The following JARID2 variants were observed in gnomAD, a reference collection of about 807,000 sequenced individuals.
JARID2 encodes the protein jumonji and AT-rich interaction domain containing 2, also known as protein Jumonji.
A neutral mutation model predicts 125.6 loss-of-function variants in JARID2; 21 were observed. That is an observed-to-expected ratio of 0.17 (90% CI 0.12 to 0.24). The LOEUF (loss-of-function observed/expected upper bound fraction) is 0.24. JARID2 is among the 10% of genes least tolerant of loss of function. The pLI, the probability that JARID2 is intolerant of heterozygous loss-of-function variation, is 1.00. For missense variants in JARID2, 1,303 were observed against 1,639.6 expected, an observed-to-expected ratio of 0.79 and a Z score of 3.55; for synonymous variants, 736 against 661.6, an observed-to-expected ratio of 1.11 and a Z score of -1.73.
At chr6:15,402,240 G>T (rs1194399732) in intron 2 of JARID2, among the ~76,000 whole-genome samples, 1 of 152,120 alleles carries the variant, frequency 6.6e-6, no homozygotes, top group Non-Finnish European at 1.5e-5. Flanking sequence ...TAACTTTATG[G>T]CACTTGTCGA....
At chr6:15,473,525 C>A (rs1342287593) in intron 5 of JARID2, among the ~76,000 whole-genome samples, 4 of 66,422 alleles carry the variant, frequency 6.0e-5, no homozygotes, top group Non-Finnish European at 1.9e-4. Flanking sequence ...CCCCCCCCCC[C>A]CCCCCGCTTT....
chr6:15,371,821 T>A (rs1034753766), intron 1 of JARID2, among the ~76,000 whole-genome samples: 3 of 152,248 alleles, frequency 2.0e-5, no homozygotes, highest in African/African-American at 7.2e-5. Flanking sequence ...CCTGACCCCG[T>A]ACCGTGGTCT....
intron 3 of JARID2, among the ~76,000 whole-genome samples, chr6:15,415,316 A>AATG (rs1193098884): frequency 6.6e-6 from 1 of 152,064 alleles, no homozygotes; most frequent in East Asian, 1.9e-4. Flanking sequence ...GCCCGTTCCC[A>AATG]ATGAGCTGCC....
chr6:15,428,924 A>AC, intron 3 of JARID2, among the ~76,000 whole-genome samples: 1 of 138,564 alleles, frequency 7.2e-6, no homozygotes, highest in Non-Finnish European at 1.6e-5. Flanking sequence ...AACAAAAAAA[A>AC]AACAAACCCC....
chr6:15,456,159 C>T (rs114867192), intron 4 of JARID2, among the ~76,000 whole-genome samples: 82 of 152,122 alleles, frequency 5.4e-4, no homozygotes, highest in African/African-American at 1.9e-3. Flanking sequence ...TGTACTTGTG[C>T]GTGCACTATC....
intron 4 of JARID2, among the ~76,000 whole-genome samples, chr6:15,456,700 G>A (rs1399653392): frequency 1.3e-5 from 2 of 151,874 alleles, no homozygotes; most frequent in African/African-American, 2.4e-5. Context: ...GATGGATTTG[G>A]TGGCCTTAGA....
intron 7 of JARID2, among the ~76,000 whole-genome samples, chr6:15,499,961 G>A (rs571804089): frequency 1.4e-3 from 212 of 152,290 alleles, no homozygotes; most frequent in Admixed American, 2.5e-3. Flanking sequence ...GACTGGATCC[G>A]TGCACACTTT....
At chr6:15,427,424 G>T (rs543907906) in intron 3 of JARID2, among the ~76,000 whole-genome samples, 2 of 151,924 alleles carry the variant, frequency 1.3e-5, no homozygotes, top group South Asian at 4.2e-4. Context: ...TTTTATTACT[G>T]CAGTGGCCAT....
chr6:15,400,510 T>A lies in JARID2; in HGVS notation c.182-9714T>A, dbSNP rs560982820. ...TGTGCTTGGCAATGGGGTGGGGGCA[T>A]CTGACCGGCTGGGGACACAAAAGTG... On this transcript the variant is annotated intron_variant, in intron 2 of 17. Transcript: ENST00000341776. 7.2e-5 allele frequency among the ~76,000 whole-genome samples: 11 copies of A among 152,166 alleles called. No individual in the cohort carries two copies. In the South Asian group the frequency reaches 2.1e-3, roughly 29 times the overall value.
chr6:15,478,069 C>T (rs1009262432), intron 5 of JARID2, among the ~76,000 whole-genome samples: 2 of 152,172 alleles, frequency 1.3e-5, no homozygotes, highest in Admixed American at 6.5e-5. Flanking sequence ...TTTATTTGTT[C>T]CACTGGCCTC....
rs1767945707 is a variant in JARID2 at position 15,452,138 on chromosome 6, T to C, written c.456T>C (p.Pro152=). 1 of 1,614,124 alleles carries C rather than the reference T, an allele frequency of 6.2e-7. No individual in the cohort carries two copies. Among genetic ancestry groups the C allele is most frequent in the Non-Finnish European group, 8.5e-7 (1 of 1,180,012 alleles). The stretch of plus-strand genomic sequence containing the variant: ...TATCAGACCTCTCTAAAAGGAAGCC[T>C]AAGACAGAAGATTTTCTTACCTTTC... The part of the protein sequence containing the change: ...TQISDLSKRK[P]KTEDFLTFLC... Residue 152 remains proline, a synonymous_variant, in exon 4 of 18, where the codon CCT becomes CCC. Coordinates refer to ENST00000341776, the MANE Select transcript of JARID2 (RefSeq NM_004973.4).
intron 1 of JARID2, among the ~76,000 whole-genome samples, chr6:15,286,839 G>A (rs1271109157): frequency 1.3e-5 from 2 of 150,258 alleles, no homozygotes; most frequent in Admixed American, 6.6e-5. Flanking sequence ...TCCAGCCTGG[G>A]CGACAGAGCG....
At chr6:15,393,209 A>C (rs906374111) in intron 2 of JARID2, among the ~76,000 whole-genome samples, 3 of 151,908 alleles carry the variant, frequency 2.0e-5, no homozygotes, top group African/African-American at 7.3e-5. Context: ...AAAGTTAAAA[A>C]AATTGATATT....
At chr6:15,299,900 C>T (rs1041674388) in intron 1 of JARID2, among the ~76,000 whole-genome samples, 1 of 152,160 alleles carries the variant, frequency 6.6e-6, no homozygotes, top group East Asian at 1.9e-4. Flanking sequence ...TACCCACTGT[C>T]CCTTAGGAAA....
chr6:15,319,379 G>A (rs1027924696), intron 1 of JARID2, among the ~76,000 whole-genome samples: 7 of 152,072 alleles, frequency 4.6e-5, no homozygotes, highest in Non-Finnish European at 8.8e-5. Flanking sequence ...TGAGTGACAT[G>A]GAATTTCTGT....
intron 1 of JARID2, among the ~76,000 whole-genome samples, chr6:15,282,322 G>C (rs911711934): frequency 2.6e-5 from 4 of 152,166 alleles, no homozygotes; most frequent in African/African-American, 9.7e-5. Flanking sequence ...CAGCATATGA[G>C]AGTCTTTATT....
chr6:15,300,722 TGAGAGAGA>T lies in JARID2; in HGVS notation c.45+54159_45+54166del, dbSNP rs57766040. ...GTGTGTGTGTGTGTGTGTGTGTGTG[TGAGAGAGA>T]GAGAGAGAGAGAGAGAGAGACAGAG... On this transcript the variant is annotated intron_variant, in intron 1 of 17. Coordinates refer to ENST00000341776, the MANE Select transcript of JARID2 (RefSeq NM_004973.4). 4.4e-3 allele frequency among the ~76,000 whole-genome samples: 489 copies of T among 111,166 alleles called. 7 individuals carry two copies. Among genetic ancestry groups the T allele is most frequent in the African/African-American group, 0.016 (431 of 27,028 alleles). The allele number at this position is 111,166 out of a possible 152,430, so 72.9% of individuals were successfully genotyped here. A position where few individuals can be genotyped will look rare whatever the true frequency, so the allele number is the denominator to read the frequency against.
intron 1 of JARID2, among the ~76,000 whole-genome samples, chr6:15,350,595 G>A (rs923805093): frequency 1.3e-5 from 2 of 152,162 alleles, no homozygotes; most frequent in East Asian, 1.9e-4. Context: ...GCCTGAGTAT[G>A]AGTGAATTTG....
chr6:15,444,561 G>A (rs929793476), intron 3 of JARID2, among the ~76,000 whole-genome samples: 1 of 151,906 alleles, frequency 6.6e-6, no homozygotes, highest in Non-Finnish European at 1.5e-5. Context: ...TAGTGTGTGT[G>A]TCTGGGGGGC....
Sources: allele counts gnomAD v4.1 joint callset (sites outside exome capture counted in the v4.1 genomes callset), GRCh38; gene constraint gnomAD v4.1.1; transcripts MANE v1.5; gene names NCBI Gene and HGNC (gene_info 2026-07-23, HGNC 2026-07-21).